NAALADL2: variants seen among roughly 807,000 people sequenced by gnomAD.
The protein encoded by NAALADL2 is N-acetylated alpha-linked acidic dipeptidase like 2, also known as inactive N-acetylated-alpha-linked acidic dipeptidase-like protein 2.
NAALADL2 carries 76 observed loss-of-function variants against 87.2 expected under a neutral mutation model. The observed-to-expected ratio is 0.87, with a 90% CI of 0.72 to 1.05. The LOEUF (loss-of-function observed/expected upper bound fraction) is 1.05. Among genes scored for constraint, NAALADL2 ranks in the 50% least tolerant of loss-of-function variants. The pLI, the probability that NAALADL2 is intolerant of heterozygous loss-of-function variation, is 0.00. For synonymous variants in NAALADL2, 354 were observed against 331.0 expected, an observed-to-expected ratio of 1.07 and a Z score of -0.75; for missense variants, 1,089 against 945.8, an observed-to-expected ratio of 1.15 and a Z score of -1.99.
chr3:175,538,098 G>C (rs897757240), intron 9 of NAALADL2, among the ~76,000 whole-genome samples: 4 of 152,044 alleles, frequency 2.6e-5, no homozygotes, highest in African/African-American at 9.7e-5. Context: ...AATTATATTG[G>C]GAAGTGAAAC....
chr3:175,312,327 T>A (rs1758480979), intron 4 of NAALADL2, among the ~76,000 whole-genome samples: 1 of 152,202 alleles, frequency 6.6e-6, no homozygotes, highest in Non-Finnish European at 1.5e-5. Flanking sequence ...GTCAGGTTCA[T>A]GTTTTTTTAA....
intron 2 of NAALADL2, among the ~76,000 whole-genome samples, chr3:174,577,941 T>A (rs1047005106): frequency 1.5e-4 from 23 of 151,828 alleles, no homozygotes; most frequent in African/African-American, 5.3e-4. Context: ...AGAAACTATA[T>A]GTTAAAAATG....
chr3:175,493,262 C>G (rs1728353139), intron 9 of NAALADL2, among the ~76,000 whole-genome samples: 1 of 151,924 alleles, frequency 6.6e-6, no homozygotes, highest in Non-Finnish European at 1.5e-5. Flanking sequence ...TATAATAAAT[C>G]TTTTTATTTG....
chr3:175,022,250 G>A (rs1444951737), intron 1 of NAALADL2, among the ~76,000 whole-genome samples: 1 of 151,962 alleles, frequency 6.6e-6, no homozygotes, highest in Non-Finnish European at 1.5e-5. Context: ...TTACTGCAAT[G>A]CATGATGGAC....
intron 10 of NAALADL2, among the ~76,000 whole-genome samples, chr3:175,585,478 A>G (rs1459698511): frequency 6.6e-6 from 1 of 152,234 alleles, no homozygotes; most frequent in Admixed American, 6.5e-5. Flanking sequence ...AACGTTAAGC[A>G]ATAGCTATAA....
At chr3:175,716,014 G>C (rs1741190037) in intron 11 of NAALADL2, among the ~76,000 whole-genome samples, 1 of 151,078 alleles carries the variant, frequency 6.6e-6, no homozygotes, top group South Asian at 2.1e-4. Context: ...GCTGTGATTA[G>C]GTGCTGTGTA....
rs568981496 is a variant in NAALADL2 at position 175,293,036 on chromosome 3, C to CAAAAAA, written c.940-31117_940-31112dup. On this transcript the variant is annotated intron_variant, in intron 4 of 13. Transcript: ENST00000454872. Reference sequence around the variant, plus strand: ...TGGGTGACAGAGCGAGACTCCGTCTCAAAAAAAAAAAAAAAAAAAAAAAAA... The same window carrying CAAAAAA: ...TGGGTGACAGAGCGAGACTCCGTCTCAAAAAAAAAAAAAAAAAAAAAAAAAAAAAAA... Among the ~76,000 whole-genome samples the CAAAAAA allele has an allele frequency of 1.5e-3, 73 of 49,402 alleles. 2 individuals are homozygous for CAAAAAA. The highest frequency in any genetic ancestry group is 4.2e-3 in the African/African-American group (66 of 15,710). The allele number at this position is 49,402 out of a possible 152,430, so 32.4% of individuals were successfully genotyped here.
At chr3:174,797,103 G>A (rs1718189071) in intron 3 of NAALADL2, among the ~76,000 whole-genome samples, 1 of 151,896 alleles carries the variant, frequency 6.6e-6, no homozygotes, top group South Asian at 2.1e-4. Flanking sequence ...TTACATTTAA[G>A]CCTTCAAACT....
chr3:174,576,902 ATCTG>A (rs1196955270), intron 2 of NAALADL2, among the ~76,000 whole-genome samples: 1 of 152,134 alleles, frequency 6.6e-6, no homozygotes, highest in African/African-American at 2.4e-5. Flanking sequence ...ACACTTCTTA[ATCTG>A]GAAGTGTATA....
chr3:175,075,261 A>C (rs1314970677), intron 1 of NAALADL2, among the ~76,000 whole-genome samples: 2 of 152,178 alleles, frequency 1.3e-5, no homozygotes, highest in Non-Finnish European at 2.9e-5. Context: ...GTGTATCTCT[A>C]AGAAACAGAA....
At chr3:174,798,433 A>T (rs1478340310) in intron 3 of NAALADL2, among the ~76,000 whole-genome samples, 1 of 152,148 alleles carries the variant, frequency 6.6e-6, no homozygotes, top group Non-Finnish European at 1.5e-5. Flanking sequence ...TTCCATATGA[A>T]TTTCAGCATC....
At chr3:174,734,246 A>T (rs1253198309) in intron 2 of NAALADL2, among the ~76,000 whole-genome samples, 1 of 152,190 alleles carries the variant, frequency 6.6e-6, no homozygotes, top group East Asian at 1.9e-4. Context: ...ATTCTCCACA[A>T]ATGAGATAAT....
intron 5 of NAALADL2, among the ~76,000 whole-genome samples, chr3:175,365,517 A>G (rs1765452443): frequency 6.8e-6 from 1 of 147,758 alleles, no homozygotes; most frequent in Non-Finnish European, 1.5e-5. Context: ...AGGTTAAATC[A>G]TTATGACCCA....
chr3:174,914,562 G>T (rs1482273204), intron 1 of NAALADL2, among the ~76,000 whole-genome samples: 1 of 151,920 alleles, frequency 6.6e-6, no homozygotes, highest in Non-Finnish European at 1.5e-5. Flanking sequence ...CTATTGTCAT[G>T]GTAAGAATAA....
At chr3:175,306,454 A>G (rs1397676006) in intron 4 of NAALADL2, among the ~76,000 whole-genome samples, 1 of 152,180 alleles carries the variant, frequency 6.6e-6, no homozygotes, top group East Asian at 1.9e-4. Flanking sequence ...TATCTTCTGA[A>G]AAAGAATCCA....
chr3:174,738,778 GTAAT>G (rs1733472837), intron 3 of NAALADL2, among the ~76,000 whole-genome samples: 1 of 152,080 alleles, frequency 6.6e-6, no homozygotes, highest in Admixed American at 6.6e-5. Context: ...TACTTTCTAA[GTAAT>G]TAAAACTAAA....
chr3:175,500,671 TAATCTTCTTAA>T (rs1220022689), intron 9 of NAALADL2, among the ~76,000 whole-genome samples: 2 of 152,124 alleles, frequency 1.3e-5, no homozygotes, highest in African/African-American at 2.4e-5. Context: ...TCAAGTACTT[TAATCTTCTTAA>T]CAACATTATG....
At chr3:175,014,750 C>G (rs1402002630) in intron 1 of NAALADL2, among the ~76,000 whole-genome samples, 6 of 152,118 alleles carry the variant, frequency 3.9e-5, no homozygotes, top group Non-Finnish European at 7.4e-5. Context: ...CAAACACTAT[C>G]TAATTAGATT....
intron 5 of NAALADL2, among the ~76,000 whole-genome samples, chr3:175,422,305 A>C (rs926738110): frequency 8.5e-5 from 13 of 152,128 alleles, no homozygotes; most frequent in Non-Finnish European, 1.5e-4. Context: ...AATAGGGAAG[A>C]GAATGAGGAG....
Sources: gnomAD v4.1 joint callset for allele counts (sites outside exome capture counted in the v4.1 genomes callset) on GRCh38, gnomAD v4.1.1 for gene constraint, MANE v1.5 for transcripts, NCBI Gene and HGNC (gene_info 2026-07-23, HGNC 2026-07-21) for gene names.